The following ROR1 variants were observed in gnomAD, a reference collection of about 807,000 sequenced individuals.
ROR1 encodes the protein ROR family WNT receptor 1.
ROR1 carries 19 observed loss-of-function variants against 78.8 expected under a neutral mutation model. The ratio of observed to expected loss-of-function variants is 0.24; its 90% CI spans 0.17 to 0.35. ROR1 has a LOEUF of 0.35. Ranked by LOEUF, ROR1 falls within the 10% of genes least tolerant of loss-of-function variation. The pLI, the probability that ROR1 is intolerant of heterozygous loss-of-function variation, is 1.00. For synonymous variants in ROR1, 386 were observed against 433.6 expected, an observed-to-expected ratio of 0.89 and a Z score of 1.36; for missense variants, 917 against 1,177.8, an observed-to-expected ratio of 0.78 and a Z score of 3.24.
intron 1 of ROR1, among the ~76,000 whole-genome samples, chr1:63,864,529 C>T (rs1317780733): frequency 6.6e-6 from 1 of 152,058 alleles, no homozygotes; most frequent in African/African-American, 2.4e-5. Flanking sequence ...GGGGGGTAGG[C>T]GGTTTGGTGG....
At chr1:63,802,577 A>G (rs1644803624) in intron 1 of ROR1, among the ~76,000 whole-genome samples, 1 of 152,220 alleles carries the variant, frequency 6.6e-6, no homozygotes, top group African/African-American at 2.4e-5. Context: ...CGTTGGAAGC[A>G]GAGTTCAGAT....
chr1:64,117,662 G>GT (rs1253903203), intron 4 of ROR1, among the ~76,000 whole-genome samples: 1 of 152,190 alleles, frequency 6.6e-6, no homozygotes, highest in Non-Finnish European at 1.5e-5. Context: ...CACTGTGGAA[G>GT]TAAGTATTCC....
intron 2 of ROR1, among the ~76,000 whole-genome samples, chr1:64,037,969 C>T (rs1019020983): frequency 6.6e-6 from 1 of 152,114 alleles, no homozygotes; most frequent in African/African-American, 2.4e-5. Context: ...TCTCTCACAC[C>T]TTCCCTGATT....
chr1:64,106,627 G>C (rs1428455426), intron 4 of ROR1: 1 of 152,072 alleles, frequency 6.6e-6, no homozygotes, highest in Non-Finnish European at 1.5e-5. Flanking sequence ...TTTGAGATAT[G>C]TTCCATCAAT....
At chr1:63,950,590 T>C (rs1337120779) in intron 1 of ROR1, among the ~76,000 whole-genome samples, 1 of 152,226 alleles carries the variant, frequency 6.6e-6, no homozygotes, top group Non-Finnish European at 1.5e-5. Context: ...AATGTCATCC[T>C]GTGACTCTGA....
At chr1:63,924,602 G>C (rs529608381) in intron 1 of ROR1, among the ~76,000 whole-genome samples, 1 of 152,262 alleles carries the variant, frequency 6.6e-6, no homozygotes, top group South Asian at 2.1e-4. Flanking sequence ...TTTGAAAAGA[G>C]CTCACTGTGT....
chr1:63,845,255 ATCT>A (rs1342827845), intron 1 of ROR1, among the ~76,000 whole-genome samples: 3 of 152,174 alleles, frequency 2.0e-5, no homozygotes, highest in Non-Finnish European at 4.4e-5. Flanking sequence ...AATGCCAGTG[ATCT>A]TCTCCAGGGC....
chr1:63,916,225 G>A (rs1224338630), intron 1 of ROR1, among the ~76,000 whole-genome samples: 2 of 152,164 alleles, frequency 1.3e-5, no homozygotes, highest in Non-Finnish European at 2.9e-5. Flanking sequence ...ACTGCAAAAT[G>A]ATCCATCTGA....
chr1:64,024,823 T>A (rs1049128260), intron 2 of ROR1, among the ~76,000 whole-genome samples: 1 of 152,230 alleles, frequency 6.6e-6, no homozygotes, highest in African/African-American at 2.4e-5. Flanking sequence ...AAAAATGGTA[T>A]GTCATTGTTA....
At chr1:63,775,332 G>T (rs982764670) in intron 1 of ROR1, 1 of 152,244 alleles carries the variant, frequency 6.6e-6, no homozygotes, top group Non-Finnish European at 1.5e-5. Context: ...GGAAGCTGGG[G>T]TCCTTGCTGC....
rs1055491208 is a variant in ROR1, at chr1:64,165,691, T to C, written c.1386+6499T>C. ...GTTGTCTTCCAGGATTTTTATAATTTCGGGTTTTACTTTTTTTTTTTTTTT... is the reference window on the plus strand; with the variant it reads ...GTTGTCTTCCAGGATTTTTATAATTCCGGGTTTTACTTTTTTTTTTTTTTT... On this transcript the variant is annotated intron_variant, in intron 8 of 8. Transcript: ENST00000371079. Among the ~76,000 whole-genome samples the C allele has an allele frequency of 4.0e-5, 6 of 149,372 alleles. No homozygotes were observed. The Admixed American group carries it at 4.1e-4, about 10-fold the overall frequency.
intron 1 of ROR1, among the ~76,000 whole-genome samples, chr1:63,905,524 A>T (rs1028203684): frequency 1.3e-5 from 2 of 152,240 alleles, no homozygotes; most frequent in Non-Finnish European, 2.9e-5. Context: ...CAAAGGGTAT[A>T]CAAGTTTATA....
intron 2 of ROR1, among the ~76,000 whole-genome samples, chr1:64,045,781 A>G (rs955309191): frequency 5.9e-5 from 9 of 152,106 alleles, no homozygotes; most frequent in Non-Finnish European, 1.2e-4. Context: ...CATCATCATT[A>G]TTACTAGTAT....
At chr1:63,833,311 G>A (rs1404898155) in intron 1 of ROR1, among the ~76,000 whole-genome samples, 2 of 152,210 alleles carry the variant, frequency 1.3e-5, no homozygotes, top group African/African-American at 4.8e-5. Context: ...TGAGTGGAAG[G>A]GTTTTGGTGC....
chr1:63,869,331 C>T (rs1369430383), intron 1 of ROR1, among the ~76,000 whole-genome samples: 1 of 152,214 alleles, frequency 6.6e-6, no homozygotes, highest in Non-Finnish European at 1.5e-5. Context: ...CTCAGGGAGT[C>T]TGAATATACT....
At chr1:64,119,209 A>C (rs1022381475) in intron 4 of ROR1, among the ~76,000 whole-genome samples, 7 of 152,164 alleles carry the variant, frequency 4.6e-5, no homozygotes, top group Non-Finnish European at 1.0e-4. Flanking sequence ...CTCTGGGGGA[A>C]TGTGGTCCCC....
intron 4 of ROR1, among the ~76,000 whole-genome samples, chr1:64,074,599 G>A (rs1019515625): frequency 1.3e-5 from 2 of 152,236 alleles, no homozygotes; most frequent in African/African-American, 4.8e-5. Flanking sequence ...TAGAGGCAGG[G>A]AAAATGCCAG....
intron 4 of ROR1, among the ~76,000 whole-genome samples, chr1:64,051,469 AAATAAAATAAAAT>A (rs1557627986): frequency 2.8e-5 from 4 of 141,038 alleles, no homozygotes; most frequent in African/African-American, 1.2e-4. Flanking sequence ...AAATAAAATA[AAATAAAATAAAAT>A]AAAATAAAAT....
At chr1:64,079,136 C>T (rs577804031) in intron 4 of ROR1, among the ~76,000 whole-genome samples, 8 of 152,252 alleles carry the variant, frequency 5.3e-5, no homozygotes, top group Admixed American at 1.3e-4. Flanking sequence ...GGAGACAGAA[C>T]GAGGTCCAAC....
Sources: allele counts gnomAD v4.1 joint callset (sites outside exome capture counted in the v4.1 genomes callset), GRCh38; gene constraint gnomAD v4.1.1; transcripts MANE v1.5; gene names NCBI Gene and HGNC (gene_info 2026-07-23, HGNC 2026-07-21).